NDUFA5: variants seen among roughly 807,000 people sequenced by gnomAD.
NDUFA5 encodes the protein NADH:ubiquinone oxidoreductase subunit A5, also known as NADH dehydrogenase [ubiquinone] 1 alpha subcomplex subunit 5.
A neutral mutation model predicts 19.8 loss-of-function variants in NDUFA5; 11 were observed. The observed-to-expected ratio is 0.56, with a 90% CI of 0.35 to 0.92. The LOEUF (loss-of-function observed/expected upper bound fraction) is 0.92. Ranked by LOEUF, NDUFA5 falls within the 40% of genes least tolerant of loss-of-function variation. The pLI is 0.01. For synonymous variants in NDUFA5, 47 were observed against 46.8 expected (o/e 1.00, Z -0.01); for missense variants, 109 against 134.2 (o/e 0.81, Z 0.93).
chr7:123,582,738 C>T, the NDUFA5 span, among the ~76,000 whole-genome samples: 1 of 151,970 alleles, frequency 6.6e-6, no homozygotes, highest in South Asian at 2.1e-4. Context: ...CTCCTGGAAG[C>T]TAAGCATCAC....
chr7:123,566,332 A>G, the NDUFA5 span, among the ~76,000 whole-genome samples: 6 of 152,330 alleles, frequency 3.9e-5, no homozygotes, highest in South Asian at 8.3e-4. Context: ...CAATACCTCT[A>G]TATTGGACCT....
chr7:123,593,439 C>T, the NDUFA5 span, among the ~76,000 whole-genome samples: 3 of 152,146 alleles, frequency 2.0e-5, no homozygotes, highest in African/African-American at 7.2e-5. Context: ...TTAGTGCTTC[C>T]TTCAGGAGCT....
chr7:123,580,497 C>G, the NDUFA5 span, among the ~76,000 whole-genome samples: 1 of 151,992 alleles, frequency 6.6e-6, no homozygotes, highest in East Asian at 1.9e-4. Flanking sequence ...CCCCCTAAGC[C>G]TTACTTCTTC....
At chr7:123,578,334 C>A in the NDUFA5 span, among the ~76,000 whole-genome samples, 14 of 151,798 alleles carry the variant, frequency 9.2e-5, no homozygotes, top group African/African-American at 3.4e-4. Context: ...CAGCAGTATT[C>A]CTGTGACTAG....
At chr7:123,592,171 A>G in the NDUFA5 span, among the ~76,000 whole-genome samples, 1 of 151,940 alleles carries the variant, frequency 6.6e-6, no homozygotes, top group Non-Finnish European at 1.5e-5. Context: ...TATTGCATCT[A>G]TTTGATTCTT....
rs1318392837 is a variant in NDUFA5, at chr7:123,540,888, GTGCACACACACACA to G, written c.*1217_*1230del. The G allele has an allele frequency of 6.2e-4, 52 of 83,914 alleles. No homozygotes were observed. Among genetic ancestry groups the G allele is most frequent in the African/African-American group, 1.9e-3 (42 of 22,588 alleles). The allele number at this position is 83,914 out of a possible 1,614,324, so 5.2% of individuals were successfully genotyped here. On this transcript the variant is annotated 3_prime_UTR_variant, in exon 5 of 5. Coordinates refer to ENST00000355749, the MANE Select transcript of NDUFA5 (RefSeq NM_005000.5). ...ATTCTGAGCAAATGTGCGCATGCGC[GTGCACACACACACA>G]CACACACACACACACACACACACAC...
the NDUFA5 span, among the ~76,000 whole-genome samples, chr7:123,599,851 T>C: frequency 6.6e-6 from 1 of 152,210 alleles, no homozygotes; most frequent in African/African-American, 2.4e-5. Flanking sequence ...AACTAGTCCT[T>C]CACTGTTAAA....
the NDUFA5 span, among the ~76,000 whole-genome samples, chr7:123,584,450 T>C: frequency 6.6e-6 from 1 of 151,894 alleles, no homozygotes; most frequent in Non-Finnish European, 1.5e-5. Context: ...AAGTCAAACC[T>C]AAGAACAACT....
At chr7:123,585,205 T>C in the NDUFA5 span, among the ~76,000 whole-genome samples, 1 of 151,794 alleles carries the variant, frequency 6.6e-6, no homozygotes, top group Non-Finnish European at 1.5e-5. Context: ...TTGAATTTTG[T>C]ACCAATCCCC....
At chr7:123,578,642 T>C in the NDUFA5 span, among the ~76,000 whole-genome samples, 1 of 152,098 alleles carries the variant, frequency 6.6e-6, no homozygotes, top group South Asian at 2.1e-4. Flanking sequence ...ATATCTGAGC[T>C]AATGAGAGAG....
chr7:123,575,722 T>C, the NDUFA5 span, among the ~76,000 whole-genome samples: 1 of 152,024 alleles, frequency 6.6e-6, no homozygotes, highest in Non-Finnish European at 1.5e-5. Context: ...TTTACTTAAT[T>C]ATCTTGTAAG....
the NDUFA5 span, among the ~76,000 whole-genome samples, chr7:123,591,658 C>A: frequency 1.3e-5 from 2 of 152,084 alleles, no homozygotes; most frequent in Non-Finnish European, 2.9e-5. Context: ...CCAACTTGAT[C>A]GTGGTGGATA....
chr7:123,549,162 A>T (rs1798241913), intron 3 of NDUFA5, among the ~76,000 whole-genome samples: 1 of 152,190 alleles, frequency 6.6e-6, no homozygotes, highest in South Asian at 2.1e-4. Context: ...ATGGATACCA[A>T]GGGACAACTG....
At chr7:123,594,656 C>T in the NDUFA5 span, among the ~76,000 whole-genome samples, 2 of 152,170 alleles carry the variant, frequency 1.3e-5, no homozygotes, top group Non-Finnish European at 2.9e-5. Flanking sequence ...CCTCTGGAAG[C>T]TTCGTCCCAG....
Position 123,540,112 on chromosome 7 carries a change from T to G in NDUFA5, c.*2007A>C, listed in dbSNP as rs1260939471. The G allele has an allele frequency of 6.6e-6, 1 of 152,168 alleles. No homozygotes were observed. Among genetic ancestry groups the G allele is most frequent in the African/African-American group, 2.4e-5 (1 of 41,430 alleles). The allele number at this position is 152,168 out of a possible 1,614,324, so 9.4% of individuals were successfully genotyped here. ...TAATTGCAGGGGAAAACTACTCACGTAGGGTTCTGGTTTCTTATCTGGAAA... is the reference window on the plus strand; with the variant it reads ...TAATTGCAGGGGAAAACTACTCACGGAGGGTTCTGGTTTCTTATCTGGAAA... On this transcript the variant is annotated 3_prime_UTR_variant, in exon 5 of 5. Coordinates refer to ENST00000355749, the MANE Select transcript of NDUFA5 (RefSeq NM_005000.5).
At chr7:123,582,124 A>G in the NDUFA5 span, among the ~76,000 whole-genome samples, 89 of 152,124 alleles carry the variant, frequency 5.9e-4, no homozygotes, top group Non-Finnish European at 1.1e-3. Context: ...CAAGCTGATC[A>G]TGATCTTTTC....
At chr7:123,567,195 T>A in the NDUFA5 span, 1 of 152,176 alleles carries the variant, frequency 6.6e-6, no homozygotes, top group East Asian at 1.9e-4. Flanking sequence ...CTAGTGATAG[T>A]AGAATTAGGA....
chr7:123,579,347 G>C, the NDUFA5 span, among the ~76,000 whole-genome samples: 1 of 151,978 alleles, frequency 6.6e-6, no homozygotes, highest in African/African-American at 2.4e-5. Flanking sequence ...TAAAAATAAG[G>C]ATCTTAGATT....
the NDUFA5 span, among the ~76,000 whole-genome samples, chr7:123,593,189 G>A: frequency 6.6e-6 from 1 of 152,090 alleles, no homozygotes; most frequent in Non-Finnish European, 1.5e-5. Flanking sequence ...TGGGTCTCCT[G>A]AATATAGCAC....
Sources: allele counts gnomAD v4.1 joint callset (sites outside exome capture counted in the v4.1 genomes callset), GRCh38; gene constraint gnomAD v4.1.1; transcripts MANE v1.5; gene names NCBI Gene and HGNC (gene_info 2026-07-23, HGNC 2026-07-21).